Variants in ELMO1 observed in about 807,000 individuals in gnomAD.
The protein encoded by ELMO1 is engulfment and cell motility protein 1.
Under a neutral mutation model 98.9 loss-of-function variants are expected in ELMO1, and 26 were observed. That is an observed-to-expected ratio of 0.26 (90% CI 0.19 to 0.36). The LOEUF is 0.36. Among genes scored for constraint, ELMO1 ranks in the 10% least tolerant of loss-of-function variants. The pLI is 1.00. For missense variants in ELMO1, 627 were observed against 935.2 expected (o/e 0.67, Z 4.30); for synonymous variants, 346 against 346.0 (o/e 1.00, Z 0.00).
chr7:37,376,451 T>C (rs1802349502), intron 1 of ELMO1, among the ~76,000 whole-genome samples: 1 of 152,194 alleles, frequency 6.6e-6, no homozygotes, highest in Non-Finnish European at 1.5e-5. Flanking sequence ...ATTGTTTTCA[T>C]AGATAACATC....
intron 16 of ELMO1, among the ~76,000 whole-genome samples, chr7:36,907,494 C>T (rs924955351): frequency 1.4e-4 from 21 of 152,210 alleles, no homozygotes; most frequent in African/African-American, 4.8e-4. Flanking sequence ...GCCCAGAGTG[C>T]CCTGACTCTG....
At chr7:37,158,062 C>A (rs1231523004) in intron 13 of ELMO1, among the ~76,000 whole-genome samples, 1 of 152,108 alleles carries the variant, frequency 6.6e-6, no homozygotes, top group Non-Finnish European at 1.5e-5. Flanking sequence ...GGAAAGGATT[C>A]CCTATTTAAT....
chr7:36,855,225 G>T lies in ELMO1; in HGVS notation c.*326C>A. ...GGGCTGCTGGCTTTCCTGCCCAAGG[G>T]AAGGAAGGGCATGCCTGCAGAGGGC... is the stretch of plus-strand genomic sequence containing the variant. On this transcript the variant is annotated 3_prime_UTR_variant, in exon 22 of 22. Transcript: ENST00000310758. This position sits in a 1 kb window ranked among gnomAD's most constrained non-coding sequence, Gnocchi z 4.2. 1 of 345,842 alleles carries T rather than the reference G, an allele frequency of 2.9e-6. No individual in the cohort carries two copies. Among genetic ancestry groups the T allele is most frequent in the East Asian group, 6.8e-5 (1 of 14,782 alleles). 21.4% of individuals were successfully genotyped at this position (345,842 alleles called of 1,614,324 possible).
intron 16 of ELMO1, among the ~76,000 whole-genome samples, chr7:36,956,851 A>G (rs989315117): frequency 6.6e-6 from 1 of 152,252 alleles, no homozygotes; most frequent in Non-Finnish European, 1.5e-5. Context: ...AAAAATGGCA[A>G]GAAATCATGA....
intron 15 of ELMO1, among the ~76,000 whole-genome samples, chr7:37,090,106 T>C (rs1161532141): frequency 1.3e-5 from 2 of 152,208 alleles, no homozygotes. Flanking sequence ...ATCATCTTGC[T>C]ACCAGACACA....
At chr7:37,066,840 G>A (rs951392247) in intron 15 of ELMO1, among the ~76,000 whole-genome samples, 1 of 152,080 alleles carries the variant, frequency 6.6e-6, no homozygotes, top group African/African-American at 2.4e-5. Context: ...TTTTAGGGTA[G>A]AACAAAATTA....
chr7:37,378,137 G>A (rs928066708), intron 1 of ELMO1, among the ~76,000 whole-genome samples: 2 of 152,176 alleles, frequency 1.3e-5, no homozygotes, highest in Non-Finnish European at 2.9e-5. Context: ...CTATGGATGG[G>A]TTGGTCCAGC....
intron 16 of ELMO1, among the ~76,000 whole-genome samples, chr7:37,001,602 C>A (rs1207061077): frequency 6.6e-6 from 1 of 152,124 alleles, no homozygotes; most frequent in African/African-American, 2.4e-5. Flanking sequence ...AAATTTCATT[C>A]TGAATAAATA....
Position 37,043,589 on chromosome 7 carries a change from T to C in ELMO1, c.1301-30154A>G, listed in dbSNP as rs1488907108. 2.6e-5 allele frequency among the ~76,000 whole-genome samples: 4 copies of C among 152,320 alleles called. No homozygotes were observed. In the South Asian group the frequency reaches 8.3e-4, roughly 32 times the overall value. On this transcript the variant is annotated intron_variant, in intron 15 of 21. Coordinates refer to ENST00000310758, the MANE Select transcript of ELMO1 (RefSeq NM_014800.11). ...ACTCAAAAGGGGAAATTCTACTATGTGTAAATTATATCTCAATAAACTTCA... is the reference window on the plus strand; with the variant it reads ...ACTCAAAAGGGGAAATTCTACTATGCGTAAATTATATCTCAATAAACTTCA...
At chr7:36,868,828 GA>G (rs1803265058) in intron 20 of ELMO1, among the ~76,000 whole-genome samples, 1 of 152,134 alleles carries the variant, frequency 6.6e-6, no homozygotes, top group African/African-American at 2.4e-5. Flanking sequence ...CTGGGTTGCA[GA>G]CTCCCAGACC....
chr7:37,048,221 T>TGG (rs1179251821), intron 15 of ELMO1, among the ~76,000 whole-genome samples: 2 of 152,182 alleles, frequency 1.3e-5, no homozygotes, highest in Non-Finnish European at 2.9e-5. Context: ...CCCCACAAGT[T>TGG]GGGACAACCA....
intron 16 of ELMO1, among the ~76,000 whole-genome samples, chr7:36,907,565 G>T (rs780386155): frequency 1.4e-4 from 22 of 152,276 alleles, no homozygotes; most frequent in South Asian, 1.0e-3. Flanking sequence ...ATCTGAAAAG[G>T]TTCTTGTGTT....
intron 16 of ELMO1, among the ~76,000 whole-genome samples, chr7:36,929,047 C>A (rs1008000367): frequency 2.6e-5 from 4 of 152,186 alleles, no homozygotes; most frequent in African/African-American, 7.2e-5. Context: ...TAAGAAAGGG[C>A]AGTTGAGAGA....
At chr7:37,401,128 G>A (rs1018142122) in intron 1 of ELMO1, among the ~76,000 whole-genome samples, 1 of 152,210 alleles carries the variant, frequency 6.6e-6, no homozygotes, top group Non-Finnish European at 1.5e-5. Flanking sequence ...CCAGGAAGAA[G>A]TGGGAAGCCA....
At chr7:37,088,298 C>T (rs1236049231) in intron 15 of ELMO1, among the ~76,000 whole-genome samples, 1 of 152,180 alleles carries the variant, frequency 6.6e-6, no homozygotes, top group Non-Finnish European at 1.5e-5. Flanking sequence ...TGGGGATGAA[C>T]ATTTTCCTGC....
chr7:37,412,178 C>A (rs757055237), intron 1 of ELMO1, among the ~76,000 whole-genome samples: 1 of 152,152 alleles, frequency 6.6e-6, no homozygotes, highest in Non-Finnish European at 1.5e-5. Flanking sequence ...AACATGAAAT[C>A]CTTTTGTTCT....
At chr7:36,922,233 C>G (rs548300001) in intron 16 of ELMO1, among the ~76,000 whole-genome samples, 1 of 150,646 alleles carries the variant, frequency 6.6e-6, no homozygotes, top group African/African-American at 2.4e-5. Context: ...TTTACTAAGA[C>G]TATATTTTCT....
intron 13 of ELMO1, among the ~76,000 whole-genome samples, chr7:37,196,623 CT>C (rs1392359655): frequency 6.6e-6 from 1 of 152,172 alleles, no homozygotes; most frequent in Non-Finnish European, 1.5e-5. Context: ...AGAAATAAAG[CT>C]TCACTAAGAT....
At chr7:37,388,734 T>A (rs1479412126) in intron 1 of ELMO1, among the ~76,000 whole-genome samples, 1 of 151,980 alleles carries the variant, frequency 6.6e-6, no homozygotes, top group African/African-American at 2.4e-5. Context: ...GCCCAGGAGA[T>A]AGAGGTTACA....
Sources: allele counts gnomAD v4.1 joint callset (sites outside exome capture counted in the v4.1 genomes callset), GRCh38; gene constraint gnomAD v4.1.1; non-coding constraint Gnocchi (gnomAD v3.1); transcripts MANE v1.5; gene names NCBI Gene and HGNC (gene_info 2026-07-23, HGNC 2026-07-21).